The following ADARB1 variants were observed in gnomAD, a reference collection of about 807,000 sequenced individuals.
The protein encoded by ADARB1 is double-stranded RNA-specific editase 1.
ADARB1 carries 10 observed loss-of-function variants against 52.4 expected under a neutral mutation model. The observed-to-expected ratio is 0.19, with a 90% CI of 0.12 to 0.32. ADARB1 has a LOEUF of 0.32. Among genes scored for constraint, ADARB1 ranks in the 10% least tolerant of loss-of-function variants. ADARB1 has a pLI of 1.00. For synonymous variants in ADARB1, 349 were observed against 371.1 expected (o/e 0.94, Z 0.68); for missense variants, 643 against 922.3 (o/e 0.70, Z 3.92).
chr21:45,164,471 T>C (rs1332742315), intron 2 of ADARB1, among the ~76,000 whole-genome samples: 1 of 129,414 alleles, frequency 7.7e-6, no homozygotes, highest in Admixed American at 9.2e-5. Context: ...CGCAGCCCAC[T>C]GGGAGAGGCA....
At chr21:45,143,810 G>A (rs1359226108) in intron 2 of ADARB1, among the ~76,000 whole-genome samples, 2 of 152,088 alleles carry the variant, frequency 1.3e-5, no homozygotes, top group East Asian at 1.9e-4. Flanking sequence ...TCACCACCTC[G>A]CTGCAGTCTT....
chr21:45,094,780 T>C (rs2086690878), intron 1 of ADARB1, among the ~76,000 whole-genome samples: 1 of 151,962 alleles, frequency 6.6e-6, no homozygotes, highest in Non-Finnish European at 1.5e-5. Context: ...CATGGAAATT[T>C]CTAGTGATGC....
rs2089676778 is a variant in ADARB1 at position 45,140,726 on chromosome 21, AG to A, written c.-48+12155del. Among the ~76,000 whole-genome samples the A allele has an allele frequency of 2.0e-5, 3 of 152,294 alleles. No individual in the cohort carries two copies. The South Asian group carries it at 6.2e-4, about 32-fold the overall frequency. Reference sequence around the variant, plus strand: ...CCCTGGCTTCATTTTTACCATTTAGAGGACCTGTGAAGCAATGAGATGGAAT... The same window carrying A: ...CCCTGGCTTCATTTTTACCATTTAGAGACCTGTGAAGCAATGAGATGGAAT... On this transcript the variant is annotated intron_variant, in intron 2 of 10. Coordinates refer to ENST00000348831, the MANE Select transcript of ADARB1 (RefSeq NM_001112.4).
At chr21:45,093,959 G>A (rs1003970832) in intron 1 of ADARB1, among the ~76,000 whole-genome samples, 1 of 152,118 alleles carries the variant, frequency 6.6e-6, no homozygotes, top group African/African-American at 2.4e-5. Context: ...GTTTTTACTG[G>A]TGATTTGTTA....
chr21:45,112,876 G>A (rs900950799), intron 1 of ADARB1, among the ~76,000 whole-genome samples: 1 of 152,056 alleles, frequency 6.6e-6, no homozygotes, highest in Non-Finnish European at 1.5e-5. Context: ...AGTGTCATAG[G>A]GAGGATGCCC....
rs1568982717 is a variant in ADARB1, at chr21:45,074,596, C to CGGCGGCGGCGGCG, written c.-416_-415insGCGGCGGCGGCGG. 1 of 125,030 alleles carries CGGCGGCGGCGGCG rather than the reference C, an allele frequency of 8.0e-6. No homozygotes were observed. The highest frequency in any genetic ancestry group is 1.8e-5 in the Non-Finnish European group (1 of 56,912). 7.7% of individuals were successfully genotyped at this position (125,030 alleles called of 1,614,324 possible). ...GGCGGGGCTGAGGCGCTGAGGCGGC[C>CGGCGGCGGCGGCG]GTGGCGGCGGCGGCGGCGGCGGCGG... is the stretch of plus-strand genomic sequence containing the variant. On this transcript the variant is annotated 5_prime_UTR_variant, in exon 1 of 11. Transcript: ENST00000348831.
chr21:45,136,082 A>G (rs372885924), intron 2 of ADARB1, among the ~76,000 whole-genome samples: 1 of 152,072 alleles, frequency 6.6e-6, no homozygotes, highest in East Asian at 1.9e-4. Context: ...GAGGGATCAG[A>G]GGGATCGGAG....
chr21:45,097,470 T>C (rs901537311), intron 1 of ADARB1, among the ~76,000 whole-genome samples: 2 of 150,284 alleles, frequency 1.3e-5, no homozygotes, highest in African/African-American at 4.9e-5. Flanking sequence ...TGGGAAGCCA[T>C]TGTGGTTGGG....
rs1240804406 is a variant in ADARB1 at position 45,142,135 on chromosome 21, ACTGT to A, written c.-48+13567_-48+13570del. Among the ~76,000 whole-genome samples the A allele has an allele frequency of 1.3e-5, 2 of 152,312 alleles. No individual in the cohort carries two copies. Among genetic ancestry groups the A allele is most frequent in the Middle Eastern group, 3.4e-3 (1 of 294 alleles). ...TGGGTTACCTGAGCCACCCTTGGTCACTGTCTGTGGGTGCTTGCTTGCTTTAAGC... is the reference window on the plus strand; with the variant it reads ...TGGGTTACCTGAGCCACCCTTGGTCACTGTGGGTGCTTGCTTGCTTTAAGC... On this transcript the variant is annotated intron_variant, in intron 2 of 10. Transcript: ENST00000348831. The surrounding 1 kb of genome is among the most constrained non-coding windows in gnomAD (Gnocchi z 4.0).
At chr21:45,150,461 C>T (rs1310910443) in intron 2 of ADARB1, among the ~76,000 whole-genome samples, 1 of 152,034 alleles carries the variant, frequency 6.6e-6, no homozygotes, top group East Asian at 1.9e-4. Flanking sequence ...ATGTTTAAAT[C>T]AAAATTGTTT....
At chr21:45,184,891 C>G (rs140320345) in intron 7 of ADARB1, 32 bp from the exon 8 acceptor site, 1 of 1,577,022 alleles carries the variant, frequency 6.3e-7, no homozygotes, top group African/African-American at 1.4e-5. Flanking sequence ...TGGTTTACTA[C>G]CTGTGGGGTT....
chr21:45,198,926 A>G (rs963244333), intron 8 of ADARB1, among the ~76,000 whole-genome samples: 2 of 152,122 alleles, frequency 1.3e-5, no homozygotes, highest in Non-Finnish European at 2.9e-5. Context: ...TTATTTTTTC[A>G]TAGTACTTAA....
intron 9 of ADARB1, among the ~76,000 whole-genome samples, chr21:45,206,059 A>T (rs1161880607): frequency 2.0e-5 from 3 of 152,212 alleles, no homozygotes; most frequent in African/African-American, 7.2e-5. Flanking sequence ...AAATAGATAA[A>T]ACTTGATGGT....
intron 2 of ADARB1, among the ~76,000 whole-genome samples, chr21:45,158,669 A>G (rs1348942633): frequency 6.6e-6 from 1 of 151,964 alleles, no homozygotes; most frequent in Non-Finnish European, 1.5e-5. Flanking sequence ...GAGCTGTCCT[A>G]CCTTCCTCAC....
chr21:45,133,285 G>C (rs1178747029), intron 2 of ADARB1, among the ~76,000 whole-genome samples: 1 of 152,254 alleles, frequency 6.6e-6, no homozygotes, highest in African/African-American at 2.4e-5. Flanking sequence ...CCATAGGCCT[G>C]TGGCGCTTGG....
intron 2 of ADARB1, among the ~76,000 whole-genome samples, chr21:45,146,865 C>T (rs2090034709): frequency 6.6e-6 from 1 of 152,200 alleles, no homozygotes; most frequent in Non-Finnish European, 1.5e-5. Flanking sequence ...TTAACCATGA[C>T]AATGTTAAGT....
intron 8 of ADARB1, among the ~76,000 whole-genome samples, chr21:45,185,777 G>A (rs993377757): frequency 1.2e-4 from 19 of 152,302 alleles, no homozygotes; most frequent in Admixed American, 6.5e-4. Context: ...ATAAGCAGAT[G>A]GCAAAAAGCA....
At chr21:45,178,403 G>C (rs2091788663) in intron 4 of ADARB1, among the ~76,000 whole-genome samples, 1 of 152,226 alleles carries the variant, frequency 6.6e-6, no homozygotes, top group African/African-American at 2.4e-5. Context: ...CAGGCTCTAG[G>C]CCTCATGTCC....
intron 9 of ADARB1, among the ~76,000 whole-genome samples, chr21:45,205,031 A>G (rs986222827): frequency 4.6e-5 from 7 of 152,146 alleles, no homozygotes; most frequent in African/African-American, 1.7e-4. Flanking sequence ...GCCAAGGCCT[A>G]GTGGATTGCT....
Sources: gnomAD v4.1 joint callset for allele counts (sites outside exome capture counted in the v4.1 genomes callset) on GRCh38, gnomAD v4.1.1 for gene constraint, Gnocchi (gnomAD v3.1) non-coding constraint, MANE v1.5 for transcripts, NCBI Gene and HGNC (gene_info 2026-07-23, HGNC 2026-07-21) for gene names.